The following OR1J2 variants were observed in gnomAD, a reference collection of about 807,000 sequenced individuals.
The protein encoded by OR1J2 is olfactory receptor family 1 subfamily J member 2, also known as olfactory receptor 1J2.
For synonymous variants in OR1J2, 142 were observed against 99.7 expected (o/e 1.42, Z -2.52); for missense variants, 304 against 246.1 (o/e 1.24, Z -1.57).
chr9:122,552,812 G>A, the OR1J2 span, among the ~76,000 whole-genome samples: 1 of 150,354 alleles, frequency 6.7e-6, no homozygotes, highest in African/African-American at 2.5e-5. Context: ...GGAGGGGTAG[G>A]AGTTTGATGG....
At chr9:122,579,048 TAGAA>T in the OR1J2 span, among the ~76,000 whole-genome samples, 1 of 150,396 alleles carries the variant, frequency 6.6e-6, no homozygotes. Flanking sequence ...TAAAAAAAAA[TAGAA>T]AGTCATTAAA....
chr9:122,477,836 A>G, the OR1J2 span: 4 of 1,614,026 alleles, frequency 2.5e-6, no homozygotes, highest in South Asian at 2.2e-5. Context: ...ATGCCCAGGA[A>G]CAGGGCGAAG....
At chr9:122,510,675 T>A (rs143748567), upstream of OR1J2, 1 of 609,790 alleles carries the variant, frequency 1.6e-6, no homozygotes, top group Non-Finnish European at 2.9e-6. Context: ...TAGGCCCCAG[T>A]GTGTGTTGTT....
chr9:122,549,882 C>A, the OR1J2 span, among the ~76,000 whole-genome samples: 1 of 151,910 alleles, frequency 6.6e-6, no homozygotes, highest in Non-Finnish European at 1.5e-5. Flanking sequence ...GGATTTTTTT[C>A]TAATTCTATG....
the OR1J2 span, among the ~76,000 whole-genome samples, chr9:122,569,368 A>T: frequency 6.6e-6 from 1 of 151,636 alleles, no homozygotes; most frequent in Non-Finnish European, 1.5e-5. Flanking sequence ...ATTTTTTGGT[A>T]TATATATTTT....
At chr9:122,569,232 T>A in the OR1J2 span, among the ~76,000 whole-genome samples, 22 of 152,176 alleles carry the variant, frequency 1.4e-4, no homozygotes, top group African/African-American at 5.3e-4. Flanking sequence ...TTTTGTAAAT[T>A]GTTTTTCCCT....
At chr9:122,538,393 T>C in the OR1J2 span, among the ~76,000 whole-genome samples, 7 of 152,328 alleles carry the variant, frequency 4.6e-5, no homozygotes, top group Non-Finnish European at 8.8e-5. Context: ...TTTGTGGCTA[T>C]TGTAAATGGA....
At chr9:122,569,881 C>T in the OR1J2 span, among the ~76,000 whole-genome samples, 23 of 151,554 alleles carry the variant, frequency 1.5e-4, no homozygotes, top group African/African-American at 2.4e-5. Context: ...TTCCTGTGTC[C>T]ATGTGTTCTC....
In OR1J2 at chr9:122,510,927, C is replaced by T. The variant is rs1179912293; in HGVS notation, c.126C>T (p.Asn42=). 1 of 1,612,412 alleles carries T rather than the reference C, an allele frequency of 6.2e-7. No individual in the cohort carries two copies. The highest frequency in any genetic ancestry group is 8.5e-7 in the Non-Finnish European group (1 of 1,178,584). The change falls in exon 1 of 1, where the codon AAC becomes AAT. Residue 42 remains asparagine (N), a synonymous_variant. Coordinates refer to ENST00000335302, the MANE Select transcript of OR1J2 (RefSeq NM_054107.1). ...LGMYLTTVLG[N]LLIMLLIQLD... ...TGTACCTGACCACGGTGCTGGGGAACCTGCTCATCATGCTGCTCATCCAGC... is the reference window on the plus strand; with the variant it reads ...TGTACCTGACCACGGTGCTGGGGAATCTGCTCATCATGCTGCTCATCCAGC...
the OR1J2 span, chr9:122,519,606 G>A: frequency 6.2e-7 from 1 of 1,613,986 alleles, no homozygotes. Context: ...CTGTACCAAT[G>A]CCCTGTCTCA....
the OR1J2 span, among the ~76,000 whole-genome samples, chr9:122,550,358 C>T: frequency 6.6e-6 from 1 of 151,952 alleles, no homozygotes; most frequent in Non-Finnish European, 1.5e-5. Context: ...GAAACTCTTC[C>T]AAAAAATCAA....
the OR1J2 span, among the ~76,000 whole-genome samples, chr9:122,559,083 T>C: frequency 6.6e-6 from 1 of 152,152 alleles, no homozygotes; most frequent in African/African-American, 2.4e-5. Context: ...TCTGGCTATG[T>C]TGAAATTACA....
chr9:122,486,810 A>G, the OR1J2 span, among the ~76,000 whole-genome samples: 7 of 152,224 alleles, frequency 4.6e-5, no homozygotes, highest in Non-Finnish European at 1.0e-4. Context: ...TCATGCTGCT[A>G]ATCATCATGT....
chr9:122,468,148 C>T, the OR1J2 span, among the ~76,000 whole-genome samples: 3 of 152,168 alleles, frequency 2.0e-5, no homozygotes, highest in East Asian at 1.9e-4. Context: ...GTGAAAAAGA[C>T]AGTGTATACC....
At chr9:122,553,395 A>G in the OR1J2 span, 1 of 1,614,020 alleles carries the variant, frequency 6.2e-7, no homozygotes, top group Non-Finnish European at 8.5e-7. Context: ...CCATACTCCC[A>G]TGTACTTCTT....
the OR1J2 span, among the ~76,000 whole-genome samples, chr9:122,460,340 A>G: frequency 6.6e-6 from 1 of 152,072 alleles, no homozygotes; most frequent in African/African-American, 2.4e-5. Context: ...TGGCTTGCCA[A>G]TGATCCCAGC....
chr9:122,519,029 C>A, the OR1J2 span: 1 of 715,728 alleles, frequency 1.4e-6, no homozygotes. Context: ...CAGACATTGG[C>A]ATATTCATCA....
the OR1J2 span, among the ~76,000 whole-genome samples, chr9:122,469,295 T>G: frequency 7.2e-5 from 11 of 152,196 alleles, no homozygotes; most frequent in Non-Finnish European, 1.2e-4. Context: ...ATTTGAATCA[T>G]GGGGAGCAGT....
At chr9:122,478,085 T>C in the OR1J2 span, among the ~76,000 whole-genome samples, 1 of 152,204 alleles carries the variant, frequency 6.6e-6, no homozygotes, top group Non-Finnish European at 1.5e-5. Flanking sequence ...TTGCTGCAAA[T>C]GTGCTGAAAA....
Sources: gnomAD v4.1 joint callset for allele counts (sites outside exome capture counted in the v4.1 genomes callset) on GRCh38, gnomAD v4.1.1 for gene constraint, MANE v1.5 for transcripts, NCBI Gene and HGNC (gene_info 2026-07-23, HGNC 2026-07-21) for gene names.